Variants in NLGN1 observed in about 807,000 individuals in gnomAD.
The protein encoded by NLGN1 is neuroligin 1.
In NLGN1, 12 loss-of-function variants were observed where a neutral mutation model predicts 65.5. The ratio of observed to expected loss-of-function variants is 0.18; its 90% CI spans 0.12 to 0.30. The LOEUF is 0.30. Among genes scored for constraint, NLGN1 ranks in the 10% least tolerant of loss-of-function variants. The probability of loss-of-function intolerance (pLI) is 1.00; values close to 1 mark genes in which losing one functional copy is unlikely to be tolerated. For missense variants in NLGN1, 750 were observed against 1,007.1 expected (o/e 0.74, Z 3.46); for synonymous variants, 350 against 359.5 (o/e 0.97, Z 0.30).
intron 4 of NLGN1, among the ~76,000 whole-genome samples, chr3:174,008,304 G>C (rs1183087621): frequency 6.6e-6 from 1 of 151,974 alleles, no homozygotes; most frequent in Non-Finnish European, 1.5e-5. Flanking sequence ...AGCATGTTAC[G>C]TAGGCAAACC....
intron 4 of NLGN1, among the ~76,000 whole-genome samples, chr3:173,866,009 C>T (rs1005225823): frequency 1.3e-5 from 2 of 152,142 alleles, no homozygotes; most frequent in Non-Finnish European, 2.9e-5. Context: ...AACTCTACCT[C>T]GGCAGGGTTA....
chr3:173,958,405 T>C (rs1712667396), intron 4 of NLGN1, among the ~76,000 whole-genome samples: 1 of 152,038 alleles, frequency 6.6e-6, no homozygotes, highest in Non-Finnish European at 1.5e-5. Flanking sequence ...AGTGTTCAGC[T>C]TTCAACAACT....
At chr3:173,901,662 A>G (rs1737408422) in intron 4 of NLGN1, among the ~76,000 whole-genome samples, 1 of 152,054 alleles carries the variant, frequency 6.6e-6, no homozygotes, top group South Asian at 2.1e-4. Context: ...TGTGGTACTC[A>G]AGACATCCTG....
chr3:173,678,860 A>G (rs1763539368), intron 3 of NLGN1, among the ~76,000 whole-genome samples: 4 of 152,134 alleles, frequency 2.6e-5, no homozygotes, highest in Admixed American at 2.6e-4. Context: ...TGATATAGAA[A>G]TTGAAAAGAT....
At chr3:174,158,736 T>C (rs1725934796) in intron 4 of NLGN1, among the ~76,000 whole-genome samples, 1 of 151,744 alleles carries the variant, frequency 6.6e-6, no homozygotes, top group South Asian at 2.1e-4. Context: ...GAGGAGGTGA[T>C]AAGGGGAGGC....
intron 4 of NLGN1, among the ~76,000 whole-genome samples, chr3:173,942,279 A>G (rs1038694320): frequency 5.3e-5 from 8 of 152,116 alleles, no homozygotes; most frequent in East Asian, 1.9e-4. Flanking sequence ...ACCAAGCACT[A>G]TCTATGGTAG....
At chr3:174,139,924 C>T (rs77487564) in intron 4 of NLGN1, among the ~76,000 whole-genome samples, 1 of 152,198 alleles carries the variant, frequency 6.6e-6, no homozygotes, top group African/African-American at 2.4e-5. Flanking sequence ...GTCTTTTGTT[C>T]ATTTTAAAAT....
intron 2 of NLGN1, among the ~76,000 whole-genome samples, chr3:173,563,098 T>G (rs1743045347): frequency 6.6e-6 from 1 of 152,196 alleles, no homozygotes; most frequent in Non-Finnish European, 1.5e-5. Context: ...GTCCAGCAAA[T>G]CAAGGTGGTT....
chr3:173,475,432 T>A (rs576317291), intron 2 of NLGN1, among the ~76,000 whole-genome samples: 1 of 152,214 alleles, frequency 6.6e-6, no homozygotes, highest in African/African-American at 2.4e-5. Flanking sequence ...TCTAACATGC[T>A]GTCTCAAACA....
chr3:173,489,741 C>A (rs1289354956), intron 2 of NLGN1, among the ~76,000 whole-genome samples: 2 of 151,766 alleles, frequency 1.3e-5, no homozygotes, highest in African/African-American at 2.4e-5. Flanking sequence ...TCCTCTCCAG[C>A]ACCTGTTGTT....
At chr3:173,700,867 T>C (rs1767042159) in intron 3 of NLGN1, among the ~76,000 whole-genome samples, 2 of 152,320 alleles carry the variant, frequency 1.3e-5, no homozygotes, top group East Asian at 1.9e-4. Context: ...GGCTCAAGCC[T>C]GTAATCCCAG....
chr3:173,628,804 C>T (rs1195307564), intron 3 of NLGN1, among the ~76,000 whole-genome samples: 1 of 151,922 alleles, frequency 6.6e-6, no homozygotes, highest in Non-Finnish European at 1.5e-5. Flanking sequence ...AGCGATTCTC[C>T]TAGCTCAGTC....
chr3:173,445,295 A>C (rs1287820692), intron 2 of NLGN1, among the ~76,000 whole-genome samples: 1 of 148,528 alleles, frequency 6.7e-6, no homozygotes, highest in Non-Finnish European at 1.5e-5. Flanking sequence ...AAAAAAAAAA[A>C]CAAGGACTTG....
At chr3:173,491,202 G>A (rs1729091984) in intron 2 of NLGN1, among the ~76,000 whole-genome samples, 2 of 151,850 alleles carry the variant, frequency 1.3e-5, no homozygotes, top group East Asian at 1.9e-4. Context: ...TCCAGTTTTT[G>A]TCCATTCAGT....
At chr3:173,930,214 A>C (rs534687592) in intron 4 of NLGN1, among the ~76,000 whole-genome samples, 24 of 152,344 alleles carry the variant, frequency 1.6e-4, no homozygotes, top group South Asian at 1.2e-3. Context: ...AATATCATTT[A>C]TCAAAAATGT....
intron 2 of NLGN1, among the ~76,000 whole-genome samples, chr3:173,554,222 G>T (rs534106369): frequency 5.3e-5 from 8 of 152,226 alleles, no homozygotes; most frequent in African/African-American, 1.7e-4. Flanking sequence ...AATTAAAGAT[G>T]ATTTAGAATT....
intron 3 of NLGN1, among the ~76,000 whole-genome samples, chr3:173,737,647 A>G (rs889580179): frequency 5.9e-5 from 9 of 152,096 alleles, no homozygotes; most frequent in African/African-American, 1.7e-4. Context: ...CATTGTATTT[A>G]TCAGTGTCAG....
intron 4 of NLGN1, among the ~76,000 whole-genome samples, chr3:174,267,124 A>T (rs1308196895): frequency 6.6e-6 from 1 of 152,218 alleles, no homozygotes; most frequent in Non-Finnish European, 1.5e-5. Context: ...TTTGCTCACA[A>T]ACCTGTGTTA....
intron 4 of NLGN1, among the ~76,000 whole-genome samples, chr3:174,198,720 G>A (rs1733893467): frequency 6.6e-6 from 1 of 151,262 alleles, no homozygotes; most frequent in Admixed American, 6.6e-5. Context: ...TACCTTTATG[G>A]TAATTAAGTG....
Sources: allele counts gnomAD v4.1 joint callset (sites outside exome capture counted in the v4.1 genomes callset), GRCh38; gene constraint gnomAD v4.1.1; transcripts MANE v1.5; gene names NCBI Gene and HGNC (gene_info 2026-07-23, HGNC 2026-07-21).